RGS5: variants seen among roughly 807,000 people sequenced by gnomAD.
RGS5 encodes regulator of G-protein signalling 5.
A neutral mutation model predicts 18.9 loss-of-function variants in RGS5; 20 were observed. The observed-to-expected ratio is 1.06, with a 90% CI of 0.74 to 1.54. The LOEUF (loss-of-function observed/expected upper bound fraction) is 1.54. Ranked by LOEUF, RGS5 falls within the 40% of genes most tolerant of loss-of-function variation. The probability of loss-of-function intolerance (pLI) is 0.00; values close to 1 mark genes in which losing one functional copy is unlikely to be tolerated. For synonymous variants in RGS5, 57 were observed against 76.2 expected (o/e 0.75, Z 1.31); for missense variants, 201 against 211.8 (o/e 0.95, Z 0.32).
chr1:163,255,067 G>C (rs375378432), intron 2 of RGS5, among the ~76,000 whole-genome samples: 8 of 150,788 alleles, frequency 5.3e-5, no homozygotes, highest in South Asian at 2.1e-4. Flanking sequence ...AGTATAGTTT[G>C]AAGTCAGGTA....
At chr1:163,256,219 C>T (rs1334088571) in intron 2 of RGS5, among the ~76,000 whole-genome samples, 1 of 152,082 alleles carries the variant, frequency 6.6e-6, no homozygotes, top group African/African-American at 2.4e-5. Flanking sequence ...ACCCCATCGT[C>T]TCAGCCCAAA....
intron 2 of RGS5, among the ~76,000 whole-genome samples, chr1:163,251,634 A>G (rs997819408): frequency 4.7e-4 from 72 of 152,176 alleles, no homozygotes; most frequent in African/African-American, 1.7e-3. Flanking sequence ...TCCCAGATTT[A>G]TAACTCCAAC....
chr1:163,242,593 G>A (rs1470442660), intron 2 of RGS5, among the ~76,000 whole-genome samples: 1 of 152,202 alleles, frequency 6.6e-6, no homozygotes, highest in African/African-American at 2.4e-5. Flanking sequence ...AGATGTTTAA[G>A]ACTTAGGACA....
rs3105840 is a variant in RGS5 at position 163,208,437 on chromosome 1, G to A, written c.69+9089C>T. 2.7e-3 allele frequency among the ~76,000 whole-genome samples: 341 copies of A among 127,568 alleles called. 1 individual carries two copies. The highest frequency in any genetic ancestry group is 4.3e-3 in the Non-Finnish European group (271 of 62,508). The allele number at this position is 127,568 out of a possible 152,430, so 83.7% of individuals were successfully genotyped here. A position where few individuals can be genotyped will look rare whatever the true frequency, so the allele number is the denominator to read the frequency against. On this transcript the variant is annotated intron_variant, in intron 1 of 5. Coordinates refer to the RGS5 transcript ENST00000367903. ...GTAGGCTGAGGCAGGAGGATTACTT[G>A]AGCCCAGGAGTTCAAGGCTGCAGTG...
At chr1:163,271,358 A>G (rs1414606331) in intron 2 of RGS5, among the ~76,000 whole-genome samples, 1 of 152,130 alleles carries the variant, frequency 6.6e-6, no homozygotes, top group Non-Finnish European at 1.5e-5. Context: ...ATGAAGGTAG[A>G]GCCCCCATGA....
At chr1:163,180,243 T>G (rs530188166) in intron 1 of RGS5, among the ~76,000 whole-genome samples, 82 of 152,356 alleles carry the variant, frequency 5.4e-4, no homozygotes, top group African/African-American at 1.9e-3. Context: ...CCTCAAGTGC[T>G]GGAATTACAG....
intron 2 of RGS5, among the ~76,000 whole-genome samples, chr1:163,272,429 AT>A (rs1271625388): frequency 1.3e-5 from 2 of 152,146 alleles, no homozygotes; most frequent in South Asian, 2.1e-4. Context: ...AAATTCACTA[AT>A]TTTTTTCTTG....
At chr1:163,288,564 T>C (rs3010367) in intron 2 of RGS5, among the ~76,000 whole-genome samples, 36,024 of 152,162 alleles carry the variant, frequency 0.24, 5,595 homozygotes, top group East Asian at 0.66. Context: ...GCTCTATTGA[T>C]TCTTTTTTTC....
chr1:163,238,443 CAG>C (rs1647689968), intron 2 of RGS5: 1 of 152,324 alleles, frequency 6.6e-6, no homozygotes, highest in South Asian at 2.1e-4. Flanking sequence ...CAGAAACTCT[CAG>C]TGTTGATTGC....
intron 1 of RGS5, among the ~76,000 whole-genome samples, chr1:163,317,540 G>A (rs1038099971): frequency 2.6e-5 from 4 of 152,104 alleles, no homozygotes; most frequent in African/African-American, 9.7e-5. Flanking sequence ...TTTCCTTCTT[G>A]CTGGTATTGC....
chr1:163,232,062 T>G (rs1647495911), intron 2 of RGS5, among the ~76,000 whole-genome samples: 3 of 152,098 alleles, frequency 2.0e-5, no homozygotes, highest in Admixed American at 6.6e-5. Context: ...TTAATTTACT[T>G]TTATTAGGAC....
rs1334959417 is a variant in RGS5, at chr1:163,184,633, AT to A, written c.45-16266del. On this transcript the variant is annotated intron_variant, in intron 1 of 4. Transcript: ENST00000313961. ...ATCCTGGATTATCTAAGTTGGCCCAATATAATTACAAGAATCCTTGTAAGAA... is the reference window on the plus strand; with the variant it reads ...ATCCTGGATTATCTAAGTTGGCCCAAATAATTACAAGAATCCTTGTAAGAA... 5.9e-5 allele frequency among the ~76,000 whole-genome samples: 9 copies of A among 152,312 alleles called. No individual in the cohort carries two copies. In the East Asian group the frequency reaches 1.7e-3, roughly 29 times the overall value.
intron 2 of RGS5, chr1:163,305,187 T>C (rs1258473810): frequency 6.6e-6 from 1 of 152,170 alleles, no homozygotes; most frequent in East Asian, 1.9e-4. Flanking sequence ...AACAGAAAAA[T>C]CATAGGTCAT....
chr1:163,180,649 C>T (rs1207199174), intron 1 of RGS5, among the ~76,000 whole-genome samples: 2 of 149,796 alleles, frequency 1.3e-5, no homozygotes, highest in African/African-American at 2.5e-5. Context: ...CCCAGAAATT[C>T]CCTCATGCTG....
chr1:163,266,334 C>T (rs566620499), intron 2 of RGS5, among the ~76,000 whole-genome samples: 6 of 152,204 alleles, frequency 3.9e-5, no homozygotes, highest in East Asian at 3.9e-4. Context: ...CTACTTAGTT[C>T]GGGCCTCATC....
chr1:163,300,079 A>G (rs895378826), intron 2 of RGS5, among the ~76,000 whole-genome samples: 3 of 152,218 alleles, frequency 2.0e-5, no homozygotes, highest in Non-Finnish European at 4.4e-5. Context: ...TTCCCGAGGT[A>G]AACAGTGAAA....
At chr1:163,215,209 C>A (rs1048146010) in intron 1 of RGS5, among the ~76,000 whole-genome samples, 6 of 152,078 alleles carry the variant, frequency 3.9e-5, no homozygotes. Flanking sequence ...GCATGTATTT[C>A]ATCGTATATA....
At chr1:163,216,160 G>A (rs951597036) in intron 1 of RGS5, among the ~76,000 whole-genome samples, 1 of 152,086 alleles carries the variant, frequency 6.6e-6, no homozygotes, top group East Asian at 1.9e-4. Flanking sequence ...AGCTTTACCT[G>A]TGCTAATGTG....
chr1:163,314,174 G>A (rs1012633904), intron 1 of RGS5, among the ~76,000 whole-genome samples: 4 of 152,012 alleles, frequency 2.6e-5, no homozygotes, highest in African/African-American at 9.7e-5. Context: ...GTATAAAGGT[G>A]TATAAATGGA....
Sources: allele counts gnomAD v4.1 joint callset (sites outside exome capture counted in the v4.1 genomes callset), GRCh38; gene constraint gnomAD v4.1.1; transcripts MANE v1.5; gene names NCBI Gene and HGNC (gene_info 2026-07-23, HGNC 2026-07-21).